Variants in GTF2F1 observed in about 807,000 individuals in gnomAD.
GTF2F1 encodes the protein general transcription factor IIF 74 kDa subunit.
In GTF2F1, 39 loss-of-function variants were observed where a neutral mutation model predicts 63.5. That is an observed-to-expected ratio of 0.61 (90% CI 0.48 to 0.80). GTF2F1 has a LOEUF of 0.80. GTF2F1 is among the 30% of genes least tolerant of loss of function. The pLI is 0.00. For missense variants in GTF2F1, 657 were observed against 718.3 expected, an observed-to-expected ratio of 0.91 and a Z score of 0.97; for synonymous variants, 287 against 285.3, an observed-to-expected ratio of 1.01 and a Z score of -0.06.
chr19:6,392,709 C>T, intron 2 of GTF2F1, 148 bp downstream of exon 2: 1 of 785,780 alleles, frequency 1.3e-6, no homozygotes, highest in South Asian at 1.5e-5. Flanking sequence ...CCAGAGAAGC[C>T]TCAGCTTAAT....
Position 6,391,954 on chromosome 19 carries a change from T to C in GTF2F1, c.80A>G (p.Asn27Ser). 6.3e-7 allele frequency: 1 copy of C among 1,576,728 alleles called. No homozygotes were observed. Residue 27 changes from asparagine (N) to serine (S), a missense_variant, in exon 3 of 13, where the codon AAC becomes AGC. Physicochemically the swap from Asn to Ser is conservative, Grantham distance 46. Transcript: ENST00000394456. Reference protein sequence around the residue: ...RVPKNTTKKYNIMAFNAADKV... With the variant: ...RVPKNTTKKYSIMAFNAADKV... ...GTCGGCTGCATTAAAAGCCATGATG[T>C]TATATTTTTTGGTTGTATTCCTGGA...
chr19:6,380,950 G>A lies in GTF2F1; in HGVS notation c.1185C>T (p.Gly395=), dbSNP rs1221741862. ...SRPGTPSAEG[G]STSSTLRAAA... ...CCGCCCGCAGGGTGGAGGAGGTGCT[G>A]CCACCCTCTGCGCTGGGCGTGCCTG... Residue 395 remains glycine (G), a synonymous_variant, in exon 11 of 13, where the codon GGC becomes GGT. Transcript: ENST00000394456. This position sits in a 1 kb window ranked among gnomAD's most constrained non-coding sequence, Gnocchi z 5.3. The A allele has an allele frequency of 6.3e-7, 1 of 1,590,892 alleles. No individual in the cohort carries two copies. The highest frequency in any genetic ancestry group is 2.3e-5 in the East Asian group (1 of 44,086).
rs78030716 is a variant in GTF2F1 at position 6,381,881 on chromosome 19, G to A, written c.683-31C>T. 1.8e-5 allele frequency: 28 copies of A among 1,564,340 alleles called. No individual in the cohort carries two copies. In the East Asian group the frequency reaches 5.4e-4, roughly 30 times the overall value. On this transcript the variant is annotated intron_variant, in intron 6 of 12. Coordinates refer to ENST00000394456, the MANE Select transcript of GTF2F1 (RefSeq NM_002096.3). This position sits in a 1 kb window ranked among gnomAD's most constrained non-coding sequence, Gnocchi z 4.1. ...AAGGGAGGAAAGGAAGGAAAGGAGG[G>A]AAAGTGAGGAGGAAGGCAGTGGGTA...
Position 6,393,130 on chromosome 19 carries a change from GC to G in GTF2F1, c.-136del. 8.9e-7 allele frequency: 1 copy of G among 1,124,822 alleles called. No homozygotes were observed. Among genetic ancestry groups the G allele is most frequent in the East Asian group, 2.5e-5 (1 of 40,242 alleles). 69.7% of individuals were successfully genotyped at this position (1,124,822 alleles called of 1,614,324 possible). On this transcript the variant is annotated 5_prime_UTR_variant, in exon 1 of 13. Transcript: ENST00000394456. ...GCCTGAGCGAGGACCCCAACCCTAG[GC>G]GCCTCTGGCGCTGGGAAAAGGTAAC... is the stretch of plus-strand genomic sequence containing the variant.
chr19:6,381,957 A>G lies in GTF2F1; in HGVS notation c.683-107T>C. 2 of 932,044 alleles carry G rather than the reference A, an allele frequency of 2.1e-6. No homozygotes were observed. Among genetic ancestry groups the G allele is most frequent in the Non-Finnish European group, 3.2e-6 (2 of 619,770 alleles). The allele number at this position is 932,044 out of a possible 1,614,324, so 57.7% of individuals were successfully genotyped here. On this transcript the variant is annotated intron_variant, in intron 6 of 12. Transcript: ENST00000394456. The surrounding 1 kb of genome is among the most constrained non-coding windows in gnomAD (Gnocchi z 4.1). ...CAGTTTTGACATCCTGGGGGGCCTCACTGACTGGGGAGACTACACCTCCAG... is the reference window on the plus strand; with the variant it reads ...CAGTTTTGACATCCTGGGGGGCCTCGCTGACTGGGGAGACTACACCTCCAG...
At chr19:6,389,393 G>A in intron 4 of GTF2F1, 51 bp downstream of exon 4, 1 of 1,541,740 alleles carries the variant, frequency 6.5e-7, no homozygotes, top group Non-Finnish European at 8.9e-7. Flanking sequence ...GTTGAGGCCT[G>A]GGGATGTGGA....
At chr19:6,386,949 C>CGTAT in intron 5 of GTF2F1, 1 of 172,264 alleles carries the variant, frequency 5.8e-6, no homozygotes, top group Non-Finnish European at 1.2e-5. Flanking sequence ...GTCCCCCTGC[C>CGTAT]CACAGTCACT....
chr19:6,392,005 C>G (rs1336341258), intron 2 of GTF2F1, 31 bp from the exon 3 acceptor site: 1 of 1,087,424 alleles, frequency 9.2e-7, no homozygotes, highest in Non-Finnish European at 1.4e-6. Context: ...TAGTGTCAAT[C>G]CAATACAGCA....
chr19:6,381,806 CCTTGGCCAGCGGCGCCTTCTT>C lies in GTF2F1; in HGVS notation c.706_726del (p.Lys236_Lys242del). 6.2e-7 allele frequency: 1 copy of C among 1,613,854 alleles called. No individual in the cohort carries two copies. Among genetic ancestry groups the C allele is most frequent in the Non-Finnish European group, 8.5e-7 (1 of 1,179,998 alleles). On this transcript the variant is annotated inframe_deletion, in exon 7 of 13. Transcript: ENST00000394456. This position sits in a 1 kb window ranked among gnomAD's most constrained non-coding sequence, Gnocchi z 4.1. ...TTCTTCTTCTTCTTTTTCCTGCCGC[CCTTGGCCAGCGGCGCCTTCTT>C]CTTGGCCTTGGGGACTCTGCCCCCT...
Position 6,383,284 on chromosome 19 carries a change from A to G in GTF2F1, c.682+27T>C. The G allele has an allele frequency of 1.2e-6, 2 of 1,608,164 alleles. No individual in the cohort carries two copies. The highest frequency in any genetic ancestry group is 2.2e-5 in the South Asian group (2 of 90,968). On this transcript the variant is annotated intron_variant, in intron 6 of 12. Coordinates refer to ENST00000394456, the MANE Select transcript of GTF2F1 (RefSeq NM_002096.3). This position sits in a 1 kb window ranked among gnomAD's most constrained non-coding sequence, Gnocchi z 4.5. ...CACTGCCTGAGCAGGCACCTCTGTG[A>G]CCTAATGCCCAGGCGCCCGTACTCA...
intron 3 of GTF2F1, 37 bp from the exon 4 acceptor site, chr19:6,389,674 G>A (rs781218087): frequency 6.3e-7 from 1 of 1,594,910 alleles, no homozygotes; most frequent in Non-Finnish European, 8.6e-7. Flanking sequence ...CAGGGTCCCT[G>A]GCTTTGCTTG....
intron 3 of GTF2F1, among the ~76,000 whole-genome samples, chr19:6,391,439 G>GTTTT (rs11340944): frequency 4.2e-4 from 37 of 87,448 alleles, no homozygotes; most frequent in East Asian, 1.6e-3. Context: ...TGCCATTTCC[G>GTTTT]TTTTTTTTTT....
At position 6,383,312 on chromosome 19, in the gene GTF2F1, C is replaced by G. The variant is rs1215987535; in HGVS notation, c.681G>C (p.Glu227Asp). The G allele has an allele frequency of 1.2e-6, 2 of 1,613,668 alleles. No homozygotes were observed. The highest frequency in any genetic ancestry group is 1.7e-6 in the Non-Finnish European group (2 of 1,179,984). ...TAATGCCCAGGCGCCCGTACTCACCCTCCTCACCACTGGCATCACTGGCAT... is the reference window on the plus strand; with the variant it reads ...TAATGCCCAGGCGCCCGTACTCACCGTCCTCACCACTGGCATCACTGGCAT... ...SSDASDASGE[E>D]GGRVPKAKKK... The change falls in exon 6 of 13, where the codon GAG becomes GAC. Residue 227 changes from glutamate (E) to aspartate (D), a missense_variant and splice_region_variant. This residue lies in a region of GTF2F1 where 602 missense variants were observed against 625.6 expected (regional missense o/e 0.96). Coordinates refer to ENST00000394456, the MANE Select transcript of GTF2F1 (RefSeq NM_002096.3). The surrounding 1 kb of genome is among the most constrained non-coding windows in gnomAD (Gnocchi z 4.5).
At chr19:6,389,686 G>C (rs567365656) in intron 3 of GTF2F1, 49 bp from the exon 4 acceptor site, 1 of 1,553,068 alleles carries the variant, frequency 6.4e-7, no homozygotes, top group East Asian at 2.3e-5. Context: ...CTTTGCTTGC[G>C]CAGTGCCCCC....
At position 6,380,481 on chromosome 19, in the gene GTF2F1, C is replaced by T. The variant is rs150223769; in HGVS notation, c.1354G>A (p.Val452Met). The part of the protein sequence containing the change: ...SGKTTPNSGD[V>M]QVTEDAVRRY... ...CGCACGGCATCCTCAGTCACCTGCA[C>T]GTCGCTGAGGATGGGAGGACGGGGA... The change falls in exon 13 of 13, where the codon GTG (valine) becomes ATG (methionine). Residue 452 changes from valine (V) to methionine (M), a missense_variant. This residue lies in a region of GTF2F1 where 55 missense variants were observed against 92.6 expected (regional missense o/e 0.59). Coordinates refer to ENST00000394456, the MANE Select transcript of GTF2F1 (RefSeq NM_002096.3). This position sits in a 1 kb window ranked among gnomAD's most constrained non-coding sequence, Gnocchi z 5.3. The T allele has an allele frequency of 2.5e-4, 397 of 1,613,866 alleles. 1 individual carries two copies. In the South Asian group the frequency reaches 3.0e-3, roughly 12 times the overall value.
At chr19:6,392,825 G>C (rs1419096316) in intron 2 of GTF2F1, 32 bp downstream of exon 2, 1 of 1,600,050 alleles carries the variant, frequency 6.2e-7, no homozygotes, top group African/African-American at 1.3e-5. Flanking sequence ...TTGGGGGGTG[G>C]AGAGGAGTGG....
intron 4 of GTF2F1, 73 bp from the exon 5 acceptor site, chr19:6,387,632 C>A: frequency 8.5e-7 from 1 of 1,171,892 alleles, no homozygotes; most frequent in Non-Finnish European, 1.2e-6. Context: ...CCGGGGCCTG[C>A]CTCCTTTATG....
At position 6,392,845 on chromosome 19, in the gene GTF2F1, C is replaced by A. The variant is rs751432990; in HGVS notation, c.59+12G>T. On this transcript the variant is annotated intron_variant, in intron 2 of 12. Transcript: ENST00000394456. The stretch of plus-strand genomic sequence containing the variant: ...GGGTGGAGAGGAGTGGGAGATGGGG[C>A]TGGGGACTTACTTAGGAACTCGAAC... 3 of 1,612,648 alleles carry A rather than the reference C, an allele frequency of 1.9e-6. No homozygotes were observed. The highest frequency in any genetic ancestry group is 2.7e-5 in the African/African-American group (2 of 74,852).
Position 6,392,999 on chromosome 19 carries a change from C to T in GTF2F1, c.-4G>A. 1.2e-6 allele frequency: 2 copies of T among 1,614,078 alleles called. No individual in the cohort carries two copies. The highest frequency in any genetic ancestry group is 1.7e-6 in the Non-Finnish European group (2 of 1,180,036). The stretch of plus-strand genomic sequence containing the variant: ...CCACACTCACTAGGGCCGCCATGGG[C>T]AATGGTCAGTGGTTCCGATCTGGTC... On this transcript the variant is annotated 5_prime_UTR_variant, in exon 1 of 13. Transcript: ENST00000394456.
Sources: gnomAD v4.1 joint callset for allele counts (sites outside exome capture counted in the v4.1 genomes callset) on GRCh38, gnomAD v4.1.1 for gene constraint, gnomAD v4.1.1 regional missense constraint, Gnocchi (gnomAD v3.1) non-coding constraint, MANE v1.5 for transcripts, NCBI Gene and HGNC (gene_info 2026-07-23, HGNC 2026-07-21) for gene names.